PCDHA1: variants seen among roughly 807,000 people sequenced by gnomAD.
The protein encoded by PCDHA1 is protocadherin alpha-1.
PCDHA1 carries 42 observed loss-of-function variants against 61.3 expected under a neutral mutation model. That is an observed-to-expected ratio of 0.69 (90% CI 0.54 to 0.89). The LOEUF is 0.89. PCDHA1 is among the 40% of genes least tolerant of loss of function. The probability of loss-of-function intolerance (pLI) is 0.00; values close to 1 mark genes in which losing one functional copy is unlikely to be tolerated. For missense variants in PCDHA1, 1,256 were observed against 1,235.3 expected (o/e 1.02, Z -0.25); for synonymous variants, 610 against 553.8 (o/e 1.10, Z -1.43).
At position 140,829,457 on chromosome 5, in the gene PCDHA1, G is replaced by A. The variant is rs1362203038; in HGVS notation, c.2394+40773G>A. 5 of 1,613,758 alleles carry A rather than the reference G, an allele frequency of 3.1e-6. No homozygotes were observed. In the Admixed American group the frequency reaches 8.3e-5, roughly 27 times the overall value. On this transcript the variant is annotated intron_variant, in intron 1 of 3. Transcript: ENST00000504120. The stretch of plus-strand genomic sequence containing the variant: ...CATGAATGACAATGCTCCGGCGTTC[G>A]CGCAGCCCGAGTACACAGTGTTCGT...
At chr5:140,983,997 G>A (rs1191316440) in intron 3 of PCDHA1, among the ~76,000 whole-genome samples, 1 of 152,194 alleles carries the variant, frequency 6.6e-6, no homozygotes, top group Non-Finnish European at 1.5e-5. Context: ...CAATTCATTA[G>A]AGAGCTAATA....
intron 1 of PCDHA1, chr5:140,824,264 C>T (rs2150133767): frequency 7.8e-7 from 1 of 1,285,750 alleles, no homozygotes; most frequent in South Asian, 1.3e-5. Context: ...TGCACTAATT[C>T]ATGTATTATA....
At chr5:140,997,673 TG>T (rs1554255971) in intron 3 of PCDHA1, among the ~76,000 whole-genome samples, 41 of 149,136 alleles carry the variant, frequency 2.7e-4, no homozygotes, top group African/African-American at 9.9e-4. Context: ...ACAGCTTGTG[TG>T]TGTGTGTGTG....
intron 1 of PCDHA1, among the ~76,000 whole-genome samples, chr5:140,964,925 T>C (rs1586044682): frequency 6.6e-6 from 1 of 152,148 alleles, no homozygotes; most frequent in African/African-American, 2.4e-5. Flanking sequence ...ACTGGCTAGG[T>C]AGTGGAGCAT....
intron 1 of PCDHA1, chr5:140,836,413 A>T (rs2150260051): frequency 6.2e-7 from 1 of 1,613,666 alleles, no homozygotes; most frequent in Non-Finnish European, 8.5e-7. Flanking sequence ...CAGGCACCAA[A>T]GGCGTCGTCG....
chr5:140,882,505 G>A (rs782409687), intron 1 of PCDHA1: 13 of 1,614,168 alleles, frequency 8.1e-6, no homozygotes, highest in South Asian at 2.2e-5. Flanking sequence ...AGGTAAATCT[G>A]CAGAATGGCA....
At chr5:140,848,473 TAGA>T in intron 1 of PCDHA1, 2 of 1,556,440 alleles carry the variant, frequency 1.3e-6, no homozygotes, top group Non-Finnish European at 8.7e-7. Context: ...TTTCACTAAT[TAGA>T]AGAAGACTGA....
intron 1 of PCDHA1, chr5:140,809,603 T>G: frequency 2.0e-6 from 3 of 1,528,176 alleles, no homozygotes; most frequent in Non-Finnish European, 2.6e-6. Flanking sequence ...TGTTTAATTT[T>G]CGTATTGTTT....
At chr5:140,807,105 G>A in intron 1 of PCDHA1, 1 of 1,454,334 alleles carries the variant, frequency 6.9e-7, no homozygotes, top group South Asian at 1.3e-5. Flanking sequence ...GGAGGATGCA[G>A]CTGCACTTGA....
At chr5:140,966,835 G>A in intron 1 of PCDHA1, 10 of 1,564,886 alleles carry the variant, frequency 6.4e-6, no homozygotes, top group Non-Finnish European at 7.8e-6. Flanking sequence ...TGCCCTGGCT[G>A]CTGCTACTGC....
intron 1 of PCDHA1, among the ~76,000 whole-genome samples, chr5:140,901,408 T>A (rs2068650771): frequency 6.6e-6 from 1 of 152,190 alleles, no homozygotes; most frequent in African/African-American, 2.4e-5. Flanking sequence ...GAGATAGGGG[T>A]CTAGTTTCAT....
intron 1 of PCDHA1, chr5:140,884,779 G>C: frequency 1.4e-6 from 2 of 1,404,226 alleles, no homozygotes; most frequent in Non-Finnish European, 1.9e-6. Context: ...TTTTAATTTT[G>C]CTAGTTGTTA....
At chr5:140,934,590 G>T (rs1305372783) in intron 1 of PCDHA1, among the ~76,000 whole-genome samples, 4 of 151,886 alleles carry the variant, frequency 2.6e-5, no homozygotes, top group Admixed American at 2.6e-4. Context: ...TCTGTAATGG[G>T]TCTTCAACTA....
At position 141,010,421 on chromosome 5, in the gene PCDHA1, A is replaced by T. The variant is rs1486731012; in HGVS notation, c.*484A>T. The T allele has an allele frequency of 8.7e-7, 1 of 1,148,142 alleles. No homozygotes were observed. Among genetic ancestry groups the T allele is most frequent in the Admixed American group, 2.9e-5 (1 of 34,726 alleles). The allele number at this position is 1,148,142 out of a possible 1,614,324, so 71.1% of individuals were successfully genotyped here. A position where few individuals can be genotyped will look rare whatever the true frequency, so the allele number is the denominator to read the frequency against. ...CAGCTTAGACTAATTGGTACAAGGAAGGCAAGAAAACAAAGACAAATAAAC... is the reference window on the plus strand; with the variant it reads ...CAGCTTAGACTAATTGGTACAAGGATGGCAAGAAAACAAAGACAAATAAAC... On this transcript the variant is annotated 3_prime_UTR_variant, in exon 4 of 4. Coordinates refer to ENST00000504120, the MANE Select transcript of PCDHA1 (RefSeq NM_018900.4).
At chr5:140,796,398 A>T (rs1762077671) in intron 1 of PCDHA1, 2 of 1,613,894 alleles carry the variant, frequency 1.2e-6, no homozygotes, top group Non-Finnish European at 1.7e-6. Flanking sequence ...TCACGGTGTC[A>T]GCGTGGGATG....
At chr5:140,951,431 G>A (rs1003684083) in intron 1 of PCDHA1, among the ~76,000 whole-genome samples, 1 of 152,044 alleles carries the variant, frequency 6.6e-6, no homozygotes, top group Non-Finnish European at 1.5e-5. Context: ...TCCACAGGCT[G>A]TAGGAAGCAT....
Position 140,883,537 on chromosome 5 carries a change from G to A in PCDHA1, c.2394+94853G>A, listed in dbSNP as rs782001309. 3 of 1,614,238 alleles carry A rather than the reference G, an allele frequency of 1.9e-6. No individual in the cohort carries two copies. The African/African-American group carries it at 4.0e-5, about 22-fold the overall frequency. On this transcript the variant is annotated intron_variant, in intron 1 of 3. Transcript: ENST00000504120. ...GCGAGAGCGTATCAGCCTATGAACT[G>A]GTGGTGACCGCGCGGGACGGGGGCT...
Position 140,836,095 on chromosome 5 carries a change from G to A in PCDHA1, c.2394+47411G>A, listed in dbSNP as rs2150252666. ...CCGGCACTGCTGGCGCCTCGGGTGG[G>A]TGGCACTGGTGGCGCAGTGAGAGAG... On this transcript the variant is annotated intron_variant, in intron 1 of 3. Transcript: ENST00000504120. 1.9e-5 allele frequency: 30 copies of A among 1,613,576 alleles called. 1 individual carries two copies. The highest frequency in any genetic ancestry group is 3.3e-4 in the Middle Eastern group (2 of 6,084).
chr5:140,908,169 C>T (rs1361651305), intron 1 of PCDHA1, among the ~76,000 whole-genome samples: 2 of 152,192 alleles, frequency 1.3e-5, no homozygotes, highest in African/African-American at 4.8e-5. Context: ...TGTAGTGCTG[C>T]AGCTGTCCAC....
Sources: allele counts gnomAD v4.1 joint callset (sites outside exome capture counted in the v4.1 genomes callset), GRCh38; gene constraint gnomAD v4.1.1; transcripts MANE v1.5; gene names NCBI Gene and HGNC (gene_info 2026-07-23, HGNC 2026-07-21).